Variants in SCN11A observed in about 807,000 individuals in gnomAD.
The protein encoded by SCN11A is sodium channel protein type 11 subunit alpha.
A neutral mutation model predicts 162.2 loss-of-function variants in SCN11A; 122 were observed. The ratio of observed to expected loss-of-function variants is 0.75; its 90% CI spans 0.65 to 0.87. SCN11A has a LOEUF of 0.87. Ranked by LOEUF, SCN11A falls within the 40% of genes least tolerant of loss-of-function variation. The pLI, the probability that SCN11A is intolerant of heterozygous loss-of-function variation, is 0.00. For synonymous variants in SCN11A, 758 were observed against 751.5 expected (o/e 1.01, Z -0.14); for missense variants, 2,015 against 2,181.6 (o/e 0.92, Z 1.52).
At position 38,934,499 on chromosome 3, in the gene SCN11A, C is replaced by T. The variant is rs545365503; in HGVS notation, c.489-7568G>A. Among the ~76,000 whole-genome samples the T allele has an allele frequency of 3.9e-5, 6 of 152,242 alleles. No homozygotes were observed. The South Asian group carries it at 1.2e-3, about 32-fold the overall frequency. On this transcript the variant is annotated intron_variant, in intron 7 of 29. Transcript: ENST00000302328. Reference sequence around the variant, plus strand: ...AAAAAACCCATCTCATGTGCAGAGACACACATAGGCTCAAAATAAAAGGAT... The same window carrying T: ...AAAAAACCCATCTCATGTGCAGAGATACACATAGGCTCAAAATAAAAGGAT...
At chr3:39,010,376 T>C (rs966303556) in intron 2 of SCN11A, among the ~76,000 whole-genome samples, 9 of 127,762 alleles carry the variant, frequency 7.0e-5, no homozygotes, top group Non-Finnish European at 1.2e-4. Context: ...GTTTTAGTTT[T>C]TCTTTTTTCT....
intron 2 of SCN11A, among the ~76,000 whole-genome samples, chr3:38,981,537 T>TTGTGTGTGTGTGTGTGTG (rs10578149): frequency 3.5e-4 from 51 of 145,972 alleles, no homozygotes; most frequent in Admixed American, 6.9e-4. Flanking sequence ...GTGTGTGTGT[T>TTGTGTGTGTGTGTGTGTG]TGTGTGTGTG....
At chr3:39,025,122 G>A (rs1398465447) in intron 2 of SCN11A, among the ~76,000 whole-genome samples, 1 of 152,124 alleles carries the variant, frequency 6.6e-6, no homozygotes, top group African/African-American at 2.4e-5. Flanking sequence ...TAGCTTCTAA[G>A]AGCCCCCCTT....
chr3:38,977,522 G>C (rs962338685), intron 2 of SCN11A, among the ~76,000 whole-genome samples: 1 of 152,226 alleles, frequency 6.6e-6, no homozygotes, highest in African/African-American at 2.4e-5. Context: ...AACATTGCTT[G>C]ATACATCATA....
intron 16 of SCN11A, 130 bp from the exon 17 acceptor site, chr3:38,900,203 G>A: frequency 5.8e-6 from 4 of 686,520 alleles, no homozygotes; most frequent in Non-Finnish European, 9.8e-6. Flanking sequence ...ATACCCTAAA[G>A]TCCATGCAAT....
chr3:38,933,144 C>G (rs993784478), intron 7 of SCN11A, among the ~76,000 whole-genome samples: 30 of 152,216 alleles, frequency 2.0e-4, no homozygotes, highest in African/African-American at 7.2e-4. Flanking sequence ...CAAACTCCAA[C>G]AGACCTGCAG....
At chr3:38,920,787 T>C (rs560429905) in intron 10 of SCN11A, among the ~76,000 whole-genome samples, 10 of 151,952 alleles carry the variant, frequency 6.6e-5, no homozygotes, top group Admixed American at 5.2e-4. Flanking sequence ...TTCTAAAAAC[T>C]TCTGCAAATC....
At chr3:38,973,126 A>G (rs1267133731) in intron 2 of SCN11A, among the ~76,000 whole-genome samples, 4 of 152,218 alleles carry the variant, frequency 2.6e-5, no homozygotes, top group African/African-American at 9.6e-5. Context: ...AAAAAAGAAA[A>G]GTTATAAGAT....
At chr3:38,916,742 G>A (rs555893715) in intron 11 of SCN11A, among the ~76,000 whole-genome samples, 1 of 152,254 alleles carries the variant, frequency 6.6e-6, no homozygotes, top group African/African-American at 2.4e-5. Flanking sequence ...GTCTGGAATT[G>A]TTCACTCTTT....
rs1244093330 is a variant in SCN11A at position 38,953,698 on chromosome 3, G to A, written c.-77C>T. Reference sequence around the variant, plus strand: ...ACTGAGACAGAGAGTGCAAGAAAAGGAGGGCACTGCGAGGGAATAAATTTG... The same window carrying A: ...ACTGAGACAGAGAGTGCAAGAAAAGAAGGGCACTGCGAGGGAATAAATTTG... On this transcript the variant is annotated 5_prime_UTR_variant, in exon 4 of 30. Coordinates refer to ENST00000302328, the MANE Select transcript of SCN11A (RefSeq NM_001349253.2). Among the ~76,000 whole-genome samples the A allele has an allele frequency of 1.3e-5, 2 of 152,148 alleles. No individual in the cohort carries two copies. Among genetic ancestry groups the A allele is most frequent in the Admixed American group, 1.3e-4 (2 of 15,278 alleles).
intron 7 of SCN11A, among the ~76,000 whole-genome samples, chr3:38,930,184 A>G (rs951841196): frequency 6.6e-6 from 1 of 152,180 alleles, no homozygotes; most frequent in African/African-American, 2.4e-5. Context: ...AAAGAAGTGG[A>G]CCTTTTCTGG....
chr3:39,001,383 T>C (rs915068528), intron 2 of SCN11A, among the ~76,000 whole-genome samples: 23 of 152,248 alleles, frequency 1.5e-4, no homozygotes, highest in Admixed American at 5.2e-4. Context: ...TAATATGTGG[T>C]CTTTTGGCTT....
chr3:38,908,276 A>T (rs1181206510), intron 13 of SCN11A, among the ~76,000 whole-genome samples, 154 bp from the exon 14 acceptor site: 1 of 152,144 alleles, frequency 6.6e-6, no homozygotes, highest in Non-Finnish European at 1.5e-5. Context: ...TAGCTCTGTT[A>T]TTTATCTGGG....
In SCN11A at chr3:38,852,151, T is replaced by C. The variant is rs1410497255; in HGVS notation, c.4057-1400A>G. On this transcript the variant is annotated intron_variant, in intron 28 of 29. Transcript: ENST00000302328. Reference sequence around the variant, plus strand: ...ATTAAAACCACGGGAGTGAATTATATATCACTTGGGGAGAGCAAGGGCAAT... The same window carrying C: ...ATTAAAACCACGGGAGTGAATTATACATCACTTGGGGAGAGCAAGGGCAAT... Among the ~76,000 whole-genome samples, 3 of 152,024 alleles carry C rather than the reference T, an allele frequency of 2.0e-5. No individual in the cohort carries two copies. The East Asian group carries it at 5.8e-4, about 29-fold the overall frequency.
intron 1 of SCN11A, among the ~76,000 whole-genome samples, chr3:39,050,190 G>A (rs950192053): frequency 2.6e-5 from 4 of 152,116 alleles, no homozygotes; most frequent in African/African-American, 9.7e-5. Flanking sequence ...TGTACTCTAA[G>A]CCTTGACTCT....
intron 7 of SCN11A, among the ~76,000 whole-genome samples, chr3:38,943,944 C>T (rs2125571422): frequency 6.6e-6 from 1 of 152,142 alleles, no homozygotes; most frequent in East Asian, 1.9e-4. Flanking sequence ...TTGTATATTT[C>T]AAAATAGCTA....
chr3:38,897,061 G>T lies in SCN11A; in HGVS notation c.2187C>A (p.Ser729=), dbSNP rs1233635817. The T allele has an allele frequency of 1.2e-6, 2 of 1,614,078 alleles. No individual in the cohort carries two copies. The highest frequency in any genetic ancestry group is 2.7e-5 in the African/African-American group (2 of 75,004). ...GMQLFGRSFN[S]QKSPKLCNPT... is the part of the protein sequence containing the mutation. ...GGTTACAGAGTTTTGGACTCTTTTG[G>T]GAATTGAAGCTACGGCCAAAAAGCT... Residue 729 remains serine, a synonymous_variant, in exon 18 of 30, where the codon TCC becomes TCA. Transcript: ENST00000302328.
At chr3:38,881,206 T>G (rs989612808) in intron 22 of SCN11A, among the ~76,000 whole-genome samples, 2 of 152,166 alleles carry the variant, frequency 1.3e-5, no homozygotes, top group Non-Finnish European at 2.9e-5. Context: ...CAGGATTGGG[T>G]TAGGTTCCCA....
chr3:38,977,313 C>T lies in SCN11A; in HGVS notation c.-279-16890G>A, dbSNP rs556971396. Among the ~76,000 whole-genome samples, 6 of 152,252 alleles carry T rather than the reference C, an allele frequency of 3.9e-5. No individual in the cohort carries two copies. The South Asian group carries it at 1.0e-3, about 26-fold the overall frequency. On this transcript the variant is annotated intron_variant, in intron 2 of 29. Transcript: ENST00000302328. Reference sequence around the variant, plus strand: ...CCTCCCGCTCCACTGGCCCTGTACACGCCACATCTGAGACCAGGGCTGCTC... The same window carrying T: ...CCTCCCGCTCCACTGGCCCTGTACATGCCACATCTGAGACCAGGGCTGCTC...
Sources: gnomAD v4.1 joint callset for allele counts (sites outside exome capture counted in the v4.1 genomes callset) on GRCh38, gnomAD v4.1.1 for gene constraint, MANE v1.5 for transcripts, NCBI Gene and HGNC (gene_info 2026-07-23, HGNC 2026-07-21) for gene names.